Variants in ADAM12 observed in about 807,000 individuals in gnomAD.
The protein encoded by ADAM12 is ADAM metallopeptidase domain 12.
In ADAM12, 70 loss-of-function variants were observed where a neutral mutation model predicts 106.4. The ratio of observed to expected loss-of-function variants is 0.66; its 90% confidence interval spans 0.54 to 0.80. The LOEUF (loss-of-function observed/expected upper bound fraction) is 0.80, where lower values mean the gene tolerates loss of function less well. Among genes scored for constraint, ADAM12 ranks in the 30% least tolerant of loss-of-function variants. The probability of loss-of-function intolerance (pLI) is 0.00; values close to 1 mark genes in which losing one functional copy is unlikely to be tolerated. For synonymous variants in ADAM12, 420 were observed against 433.5 expected (o/e 0.97, Z 0.39); for missense variants, 1,010 against 1,171.9 (o/e 0.86, Z 2.02).
intron 14 of ADAM12, among the ~76,000 whole-genome samples, chr10:126,060,332 T>C (rs1590352574): frequency 1.3e-5 from 2 of 152,296 alleles, no homozygotes; most frequent in South Asian, 2.1e-4. Flanking sequence ...AAGGGCTTCG[T>C]CCAGTCAGTG....
intron 4 of ADAM12, among the ~76,000 whole-genome samples, chr10:126,137,707 G>A (rs960330818): frequency 2.0e-5 from 3 of 152,190 alleles, no homozygotes; most frequent in Non-Finnish European, 2.9e-5. Flanking sequence ...ACTGAGGCAT[G>A]CATTAGAATG....
intron 2 of ADAM12, among the ~76,000 whole-genome samples, chr10:126,329,477 T>C (rs2133849484): frequency 6.6e-6 from 1 of 152,326 alleles, no homozygotes. Context: ...CCAGAAAATA[T>C]CAACACCACT....
intron 3 of ADAM12, among the ~76,000 whole-genome samples, chr10:126,187,684 G>A (rs993153044): frequency 1.4e-4 from 21 of 152,202 alleles, no homozygotes; most frequent in Admixed American, 8.5e-4. Context: ...AGGAAGAGGC[G>A]GAGCTGCAGG....
At chr10:126,253,853 A>G (rs1958835736) in intron 3 of ADAM12, among the ~76,000 whole-genome samples, 1 of 152,206 alleles carries the variant, frequency 6.6e-6, no homozygotes, top group Non-Finnish European at 1.5e-5. Context: ...CTCAAGGATG[A>G]GTGAGGTGAG....
intron 8 of ADAM12, 60 bp from the exon 9 acceptor site, chr10:126,101,301 TG>T: frequency 6.4e-7 from 1 of 1,554,328 alleles, no homozygotes; most frequent in Non-Finnish European, 8.8e-7. Context: ...AAACTCGAAA[TG>T]AAAATTAGAA....
chr10:126,316,539 T>C (rs1339387560), intron 2 of ADAM12, among the ~76,000 whole-genome samples: 1 of 151,886 alleles, frequency 6.6e-6, no homozygotes, highest in Non-Finnish European at 1.5e-5. Context: ...AACATACACC[T>C]GATGAGGTGT....
chr10:126,096,106 T>C (rs1955553597), intron 10 of ADAM12, among the ~76,000 whole-genome samples: 1 of 152,216 alleles, frequency 6.6e-6, no homozygotes, highest in Non-Finnish European at 1.5e-5. Context: ...TTTCCTGTTG[T>C]AGGAAGTTTA....
intron 3 of ADAM12, among the ~76,000 whole-genome samples, chr10:126,218,184 G>T (rs2133847884): frequency 6.6e-6 from 1 of 152,090 alleles, no homozygotes; most frequent in South Asian, 2.1e-4. Flanking sequence ...GTGTGTGTGG[G>T]GGGGCAGGGG....
intron 4 of ADAM12, among the ~76,000 whole-genome samples, chr10:126,150,754 A>G (rs2133712181): frequency 6.6e-6 from 1 of 152,300 alleles, no homozygotes; most frequent in East Asian, 1.9e-4. Flanking sequence ...TTCTGTCATC[A>G]GAGACCCTTT....
At chr10:126,307,001 T>G (rs1960874384) in intron 2 of ADAM12, among the ~76,000 whole-genome samples, 1 of 152,246 alleles carries the variant, frequency 6.6e-6, no homozygotes, top group South Asian at 2.1e-4. Context: ...TTATATGTAG[T>G]TACACTTTTC....
At chr10:126,308,739 G>A (rs934188081) in intron 2 of ADAM12, among the ~76,000 whole-genome samples, 15 of 152,182 alleles carry the variant, frequency 9.9e-5, no homozygotes, top group African/African-American at 3.6e-4. Context: ...GGTGTACTTT[G>A]TGGTAGAAGA....
At position 126,388,212 on chromosome 10, in the gene ADAM12, G is replaced by A; in HGVS notation, c.-67C>T. On this transcript the variant is annotated 5_prime_UTR_variant, in exon 1 of 23. Coordinates refer to ENST00000448723, the MANE Select transcript of ADAM12 (RefSeq NM_001288973.2). This position sits in a 1 kb window ranked among gnomAD's most constrained non-coding sequence, Gnocchi z 4.4. Reference sequence around the variant, plus strand: ...GAGCGCTGCACCATCCCACGCGGGCGCCGAGCCGGGGCCGGGCGTCGCGAC... The same window carrying A: ...GAGCGCTGCACCATCCCACGCGGGCACCGAGCCGGGGCCGGGCGTCGCGAC... 8.4e-7 allele frequency: 1 copy of A among 1,194,922 alleles called. No individual in the cohort carries two copies. Among genetic ancestry groups the A allele is most frequent in the Non-Finnish European group, 1.0e-6 (1 of 964,000 alleles). The allele number at this position is 1,194,922 out of a possible 1,614,324, so 74.0% of individuals were successfully genotyped here.
At chr10:126,265,119 C>G (rs780077037) in intron 3 of ADAM12, among the ~76,000 whole-genome samples, 10 of 152,146 alleles carry the variant, frequency 6.6e-5, no homozygotes, top group Non-Finnish European at 1.3e-4. Context: ...CCCCACAGAA[C>G]CTTTTACAAA....
intron 3 of ADAM12, among the ~76,000 whole-genome samples, chr10:126,202,444 G>C (rs1446110179): frequency 6.6e-6 from 1 of 151,990 alleles, no homozygotes; most frequent in Non-Finnish European, 1.5e-5. Context: ...TTTGTATCTT[G>C]AGGTGTCCTA....
chr10:126,139,686 C>T (rs772035692), intron 4 of ADAM12, among the ~76,000 whole-genome samples: 1 of 152,048 alleles, frequency 6.6e-6, no homozygotes, highest in Non-Finnish European at 1.5e-5. Context: ...GTTAGTTCTG[C>T]TGGGCTGGAA....
chr10:126,328,077 A>G (rs762146420), intron 2 of ADAM12, among the ~76,000 whole-genome samples: 5 of 152,244 alleles, frequency 3.3e-5, no homozygotes, highest in Admixed American at 1.3e-4. Context: ...CCAAACTATC[A>G]AAATCCATCT....
At chr10:126,197,083 C>T (rs533611206) in intron 3 of ADAM12, among the ~76,000 whole-genome samples, 13 of 152,200 alleles carry the variant, frequency 8.5e-5, no homozygotes, top group East Asian at 3.9e-4. Context: ...AGAAATCTGC[C>T]GTGCAATCCA....
chr10:126,108,517 G>A (rs1955815505), intron 8 of ADAM12, 76 bp downstream of exon 8: 1 of 1,314,072 alleles, frequency 7.6e-7, no homozygotes, highest in Non-Finnish European at 1.1e-6. Context: ...TCCTTGCTAA[G>A]TCAGATGAGG....
At chr10:126,101,775 T>C (rs1282875432) in intron 8 of ADAM12, among the ~76,000 whole-genome samples, 1 of 152,182 alleles carries the variant, frequency 6.6e-6, no homozygotes, top group Non-Finnish European at 1.5e-5. Context: ...CAACGCAGGT[T>C]TTAATAAAAT....
Sources: gnomAD v4.1 joint callset for allele counts (sites outside exome capture counted in the v4.1 genomes callset) on GRCh38, gnomAD v4.1.1 for gene constraint, Gnocchi (gnomAD v3.1) non-coding constraint, MANE v1.5 for transcripts, NCBI Gene and HGNC (gene_info 2026-07-23, HGNC 2026-07-21) for gene names.